FCRL1: variants seen among roughly 807,000 people sequenced by gnomAD.
FCRL1 encodes the protein Fc receptor-like protein 1.
Under a neutral mutation model 49.2 loss-of-function variants are expected in FCRL1, and 34 were observed. The observed-to-expected ratio is 0.69, with a 90% confidence interval of 0.53 to 0.92. The LOEUF is 0.92. Among genes scored for constraint, FCRL1 ranks in the 40% least tolerant of loss-of-function variants. FCRL1 has a pLI of 0.00. For missense variants in FCRL1, 524 were observed against 524.1 expected (o/e 1.00, Z 0.00); for synonymous variants, 218 against 201.6 (o/e 1.08, Z -0.69).
At chr1:157,800,028 A>G (rs1293973418) in intron 7 of FCRL1, 30 bp downstream of exon 7, 2 of 1,594,090 alleles carry the variant, frequency 1.3e-6, no homozygotes, top group Non-Finnish European at 1.7e-6. Context: ...TTTCTGCATT[A>G]TTGACACCTA....
At chr1:157,813,281 A>G (rs1336761933) in intron 1 of FCRL1, among the ~76,000 whole-genome samples, 1 of 152,228 alleles carries the variant, frequency 6.6e-6, no homozygotes, top group African/African-American at 2.4e-5. Flanking sequence ...TAATTGCCTA[A>G]AAAATTCAAA....
chr1:157,812,484 G>C (rs1408465526), intron 1 of FCRL1, among the ~76,000 whole-genome samples: 1 of 152,074 alleles, frequency 6.6e-6, no homozygotes, highest in Non-Finnish European at 1.5e-5. Context: ...ATTGACTCTG[G>C]GATTTGATTT....
intron 1 of FCRL1, 124 bp from the exon 2 acceptor site, chr1:157,807,246 C>T (rs1653626788): frequency 2.4e-6 from 2 of 847,044 alleles, no homozygotes; most frequent in East Asian, 5.7e-5. Flanking sequence ...CTGCATCTCT[C>T]TCTTCCTCCC....
At chr1:157,799,967 A>G (rs1652165354) in intron 7 of FCRL1, 91 bp downstream of exon 7, 1 of 1,187,256 alleles carries the variant, frequency 8.4e-7, no homozygotes, top group South Asian at 1.9e-5. Flanking sequence ...ATAAAGCCGG[A>G]AAAAAAATGC....
rs879772756 is a variant in FCRL1, at chr1:157,801,799, C to T, written c.886+116G>A. The T allele has an allele frequency of 7.8e-6, 10 of 1,279,180 alleles. No homozygotes were observed. The Admixed American group carries it at 1.4e-4, about 17-fold the overall frequency. 79.2% of individuals were successfully genotyped at this position (1,279,180 alleles called of 1,614,324 possible). A position where few individuals can be genotyped will look rare whatever the true frequency, so the allele number is the denominator to read the frequency against. On this transcript the variant is annotated intron_variant, in intron 5 of 10. Transcript: ENST00000368176. The stretch of plus-strand genomic sequence containing the variant: ...ATACATCACTCATGACAGCACCTCA[C>T]ACAGAGGCCCCACCATGGGTAGCAA...
At chr1:157,816,054 G>A (rs1023967524) in intron 1 of FCRL1, among the ~76,000 whole-genome samples, 10 of 151,716 alleles carry the variant, frequency 6.6e-5, no homozygotes, top group African/African-American at 2.2e-4. Flanking sequence ...CCTCTCAAAT[G>A]ATTTCCAAGA....
At chr1:157,809,412 AAAAAACAAAAAC>A (rs371616374) in intron 1 of FCRL1, among the ~76,000 whole-genome samples, 1,535 of 152,264 alleles carry the variant, frequency 0.01, 23 homozygotes, top group African/African-American at 0.034. Flanking sequence ...CCCTGTTTGT[AAAAAACAAAAAC>A]AAAAACAAAA....
intron 1 of FCRL1, 46 bp from the exon 2 acceptor site, chr1:157,807,168 C>T (rs1653612670): frequency 6.2e-7 from 1 of 1,600,868 alleles, no homozygotes; most frequent in South Asian, 1.1e-5. Context: ...GCAAATCCCA[C>T]AAATCTCCAA....
At position 157,803,858 on chromosome 1, in the gene FCRL1, C is replaced by T; in HGVS notation, c.306G>A (p.Gln102=). 1 of 1,614,034 alleles carries T rather than the reference C, an allele frequency of 6.2e-7. No individual in the cohort carries two copies. Among genetic ancestry groups the T allele is most frequent in the Non-Finnish European group, 8.5e-7 (1 of 1,179,926 alleles). Residue 102 remains glutamine, a synonymous_variant, in exon 3 of 11, where the codon CAG becomes CAA. Coordinates refer to ENST00000368176, the MANE Select transcript of FCRL1 (RefSeq NM_052938.5). ...ASKVLRSRRS[Q]INVHRVPVAD... is the part of the protein sequence containing the mutation. ...ACTGACACTCACTGTGCACATTTAT[C>T]TGGGATCTCCTGCTCCTCAAGACTT...
chr1:157,804,767 G>A (rs767170134), intron 2 of FCRL1, among the ~76,000 whole-genome samples: 39 of 152,052 alleles, frequency 2.6e-4, no homozygotes, highest in Non-Finnish European at 7.4e-5. Flanking sequence ...ACAAACCTCT[G>A]TAGAAACCAT....
At chr1:157,818,694 T>C (rs1417994356) in intron 1 of FCRL1, among the ~76,000 whole-genome samples, 2 of 152,174 alleles carry the variant, frequency 1.3e-5, no homozygotes, top group African/African-American at 4.8e-5. Context: ...CTAGTGGGTA[T>C]GGCGTTCTTT....
intron 2 of FCRL1, among the ~76,000 whole-genome samples, chr1:157,806,212 T>C (rs1653411917): frequency 6.6e-6 from 1 of 152,172 alleles, no homozygotes; most frequent in African/African-American, 2.4e-5. Context: ...TCAGTTATAC[T>C]TGGACAAACA....
At chr1:157,798,065 C>A in intron 8 of FCRL1, 96 bp downstream of exon 8, 1 of 1,500,254 alleles carries the variant, frequency 6.7e-7, no homozygotes, top group South Asian at 1.2e-5. Flanking sequence ...GAGGCTAGGG[C>A]ACAGCAAAGT....
intron 1 of FCRL1, among the ~76,000 whole-genome samples, chr1:157,812,480 T>G (rs888580417): frequency 6.6e-5 from 10 of 152,180 alleles, no homozygotes; most frequent in African/African-American, 2.2e-4. Context: ...TCTCATTGAC[T>G]CTGGGATTTG....
intron 1 of FCRL1, among the ~76,000 whole-genome samples, chr1:157,809,220 G>A (rs1190529092): frequency 1.3e-5 from 2 of 151,982 alleles, no homozygotes; most frequent in Non-Finnish European, 2.9e-5. Context: ...TATGGATGAA[G>A]TCTAGGTATC....
Position 157,798,175 on chromosome 1 carries a change from G to C in FCRL1, c.1100C>G (p.Pro367Arg), listed in dbSNP as rs1391608538. 3 of 1,612,650 alleles carry C rather than the reference G, an allele frequency of 1.9e-6. No individual in the cohort carries two copies. In the East Asian group the frequency reaches 6.7e-5, roughly 36 times the overall value. The part of the protein sequence containing the change: ...LNSPTPGQLQ[P>R]IYENVNVVSG... ...GGAAGGCTCACCATTTTCATATATA[G>C]GCTGTAGCTGCCCTGGGGTAGGTGA... Residue 367 changes from proline (P) to arginine (R), a missense_variant, in exon 8 of 11, where the codon CCT becomes CGT. Coordinates refer to ENST00000368176, the MANE Select transcript of FCRL1 (RefSeq NM_052938.5).
intron 2 of FCRL1, 144 bp from the exon 3 acceptor site, chr1:157,804,255 C>CA (rs1481518236): frequency 1.4e-5 from 13 of 934,442 alleles, no homozygotes; most frequent in African/African-American, 5.1e-5. Flanking sequence ...CACCCCCCCC[C>CA]CAGTGGCCCA....
Position 157,797,859 on chromosome 1 carries a change from A to G in FCRL1, c.1186+9T>C. 1 of 1,614,078 alleles carries G rather than the reference A, an allele frequency of 6.2e-7. No homozygotes were observed. Among genetic ancestry groups the G allele is most frequent in the Non-Finnish European group, 8.5e-7 (1 of 1,179,984 alleles). On this transcript the variant is annotated intron_variant, in intron 9 of 10. Coordinates refer to ENST00000368176, the MANE Select transcript of FCRL1 (RefSeq NM_052938.5). ...AAGTCAGAGACAAATTTACTCCCCC[A>G]TGTCTCACCTGCTACTGATTCCTGC...
At chr1:157,818,321 C>G (rs1655331352) in intron 1 of FCRL1, among the ~76,000 whole-genome samples, 1 of 151,812 alleles carries the variant, frequency 6.6e-6, no homozygotes, top group South Asian at 2.1e-4. Flanking sequence ...ACTATTCAGA[C>G]ATAAAAAATA....
Sources: allele counts gnomAD v4.1 joint callset (sites outside exome capture counted in the v4.1 genomes callset), GRCh38; gene constraint gnomAD v4.1.1; transcripts MANE v1.5; gene names NCBI Gene and HGNC (gene_info 2026-07-23, HGNC 2026-07-21).